ADD2: variants seen among roughly 807,000 people sequenced by gnomAD.
ADD2 encodes the protein beta-adducin.
ADD2 carries 23 observed loss-of-function variants against 83.0 expected under a neutral mutation model. The ratio of observed to expected loss-of-function variants is 0.28; its 90% CI spans 0.20 to 0.39. ADD2 has a LOEUF of 0.39. ADD2 is among the 10% of genes least tolerant of loss of function. ADD2 has a pLI of 1.00. For synonymous variants in ADD2, 375 were observed against 375.4 expected (o/e 1.00, Z 0.01); for missense variants, 758 against 944.9 (o/e 0.80, Z 2.59).
chr2:70,665,656 C>T (rs563349176), intron 15 of ADD2, among the ~76,000 whole-genome samples: 39 of 152,300 alleles, frequency 2.6e-4, no homozygotes, highest in Admixed American at 5.9e-4. Context: ...GTGTCCCCAG[C>T]CTTCACTCCA....
rs566779555 is a variant in ADD2 at position 70,662,762 on chromosome 2, A to G, written c.*663T>C. The stretch of plus-strand genomic sequence containing the variant: ...TCCTCAGCTTACATGGCTTGCCCCT[A>G]TGCCTACCACCTCTTATAGCTCTTC... On this transcript the variant is annotated 3_prime_UTR_variant, in exon 16 of 16. Transcript: ENST00000264436. 6.6e-6 allele frequency: 1 copy of G among 152,462 alleles called. No homozygotes were observed. The highest frequency in any genetic ancestry group is 6.5e-5 in the Admixed American group (1 of 15,306). The allele number at this position is 152,462 out of a possible 1,614,324, so 9.4% of individuals were successfully genotyped here. A position where few individuals can be genotyped will look rare whatever the true frequency, so the allele number is the denominator to read the frequency against.
intron 1 of ADD2, among the ~76,000 whole-genome samples, chr2:70,731,788 C>G (rs1032313194): frequency 1.3e-5 from 2 of 152,212 alleles, no homozygotes; most frequent in African/African-American, 4.8e-5. Context: ...TGCTGTTCCC[C>G]AGGGACACTG....
At position 70,706,170 on chromosome 2, in the gene ADD2, G is replaced by T. The variant is rs1671875224; in HGVS notation, c.183+56C>A. 1 of 1,579,502 alleles carries T rather than the reference G, an allele frequency of 6.3e-7. No homozygotes were observed. The highest frequency in any genetic ancestry group is 2.2e-5 in the East Asian group (1 of 44,470). On this transcript the variant is annotated intron_variant, in intron 3 of 15. Transcript: ENST00000264436. The surrounding 1 kb of genome is among the most constrained non-coding windows in gnomAD (Gnocchi z 5.0). ...TTACTCATCTTTCGGGTGGGTACAC[G>T]TCCTGAAGAGCCAGCGCCCCCTGCG...
intron 8 of ADD2, 78 bp from the exon 9 acceptor site, chr2:70,688,200 T>C: frequency 4.2e-6 from 5 of 1,191,232 alleles, no homozygotes; most frequent in Non-Finnish European, 6.1e-6. Context: ...TCCATTTTAT[T>C]TAGATCAACT....
rs1675468136 is a variant in ADD2, at chr2:70,659,473, A to C, written c.*3952T>G. 6.6e-6 allele frequency: 1 copy of C among 152,224 alleles called. No homozygotes were observed. The highest frequency in any genetic ancestry group is 2.1e-4 in the South Asian group (1 of 4,834). 9.4% of individuals were successfully genotyped at this position (152,224 alleles called of 1,614,324 possible). ...TGGGATTCAAATTCAGTCTACATGG[A>C]TCAGTGGCAGAGGGCAGTGCTTTAC... On this transcript the variant is annotated 3_prime_UTR_variant, in exon 16 of 16. Transcript: ENST00000264436.
rs34333514 is a variant in ADD2, at chr2:70,726,186, C to CAAAAAAAAAA, written c.-153-13012_-153-13003dup. Among the ~76,000 whole-genome samples the CAAAAAAAAAA allele has an allele frequency of 6.8e-4, 31 of 45,476 alleles. 2 individuals carry two copies. Among genetic ancestry groups the CAAAAAAAAAA allele is most frequent in the Non-Finnish European group, 1.1e-3 (26 of 23,624 alleles). The allele number at this position is 45,476 out of a possible 152,430, so 29.8% of individuals were successfully genotyped here. On this transcript the variant is annotated intron_variant, in intron 1 of 15. Coordinates refer to ENST00000264436, the MANE Select transcript of ADD2 (RefSeq NM_001617.4). Reference sequence around the variant, plus strand: ...TGGGCGACAGAGCGAGACTCCATCTCAAAAAAAAAAAAAAAAAAAAAAAAA... The same window carrying CAAAAAAAAAA: ...TGGGCGACAGAGCGAGACTCCATCTCAAAAAAAAAAAAAAAAAAAAAAAAAAAAAAAAAAA...
chr2:70,666,853 T>C (rs1327560144), intron 15 of ADD2, among the ~76,000 whole-genome samples: 1 of 152,154 alleles, frequency 6.6e-6, no homozygotes, highest in Non-Finnish European at 1.5e-5. Context: ...AGGTTCCACA[T>C]CATGAATTGT....
At chr2:70,764,177 C>T (rs1440566497) in intron 1 of ADD2, among the ~76,000 whole-genome samples, 3 of 151,732 alleles carry the variant, frequency 2.0e-5, no homozygotes, top group African/African-American at 2.4e-5. Flanking sequence ...CGTGAGCCAC[C>T]GCGCCCGGCC....
chr2:70,710,344 C>G (rs1448371607), intron 2 of ADD2, among the ~76,000 whole-genome samples: 3 of 152,238 alleles, frequency 2.0e-5, no homozygotes, highest in African/African-American at 7.2e-5. Flanking sequence ...TCCCCAGTAA[C>G]TGATCTGTGA....
intron 1 of ADD2, among the ~76,000 whole-genome samples, chr2:70,759,638 T>G (rs1674981044): frequency 6.6e-6 from 1 of 152,024 alleles, no homozygotes; most frequent in African/African-American, 2.4e-5. Flanking sequence ...TCTCCTCCCC[T>G]CTCTCTTGCT....
At chr2:70,722,602 G>A (rs115329619) in intron 1 of ADD2, among the ~76,000 whole-genome samples, 1 of 152,322 alleles carries the variant, frequency 6.6e-6, no homozygotes, top group Non-Finnish European at 1.5e-5. Flanking sequence ...AGATTTGTTG[G>A]CTGTCAATCC....
At position 70,686,153 on chromosome 2, in the gene ADD2, C is replaced by T. The variant is rs137998751; in HGVS notation, c.948+1871G>A. Among the ~76,000 whole-genome samples, 737 of 152,322 alleles carry T rather than the reference C, an allele frequency of 4.8e-3. 8 individuals carry two copies. The highest frequency in any genetic ancestry group is 0.017 in the African/African-American group (705 of 41,558). On this transcript the variant is annotated intron_variant, in intron 9 of 15. Transcript: ENST00000264436. ...GACCTGGCTAGGGCTGCGCTCCCAG[C>T]GGCACCTGCAGTCACTGTTACCTAG...
chr2:70,703,408 G>C (rs1220262911), intron 4 of ADD2, among the ~76,000 whole-genome samples: 1 of 152,174 alleles, frequency 6.6e-6, no homozygotes, highest in Admixed American at 6.5e-5. Flanking sequence ...GACCAGGGTA[G>C]AGGAAATGGG....
intron 10 of ADD2, among the ~76,000 whole-genome samples, chr2:70,681,303 T>A (rs1375306726): frequency 1.3e-5 from 2 of 152,154 alleles, no homozygotes; most frequent in African/African-American, 4.8e-5. Context: ...TCTATGATTG[T>A]ATCCCCAACC....
intron 4 of ADD2, among the ~76,000 whole-genome samples, chr2:70,703,644 G>T (rs2104375232): frequency 6.6e-6 from 1 of 152,112 alleles, no homozygotes; most frequent in East Asian, 1.9e-4. Context: ...TAACCTAAAA[G>T]TCCAACAATG....
rs1249212487 is a variant in ADD2, at chr2:70,727,058, C to T, written c.-153-13874G>A. Among the ~76,000 whole-genome samples, 44 of 152,170 alleles carry T rather than the reference C, an allele frequency of 2.9e-4. 1 individual carries two copies. Among genetic ancestry groups the T allele is most frequent in the Admixed American group, 2.9e-3 (44 of 15,272 alleles). On this transcript the variant is annotated intron_variant, in intron 1 of 15. Transcript: ENST00000264436. Reference sequence around the variant, plus strand: ...TTTTATACCATGTTCAGGCTTTGATCGATCAGTAGTGGCTACCTAGAAGGG... The same window carrying T: ...TTTTATACCATGTTCAGGCTTTGATTGATCAGTAGTGGCTACCTAGAAGGG...
chr2:70,707,090 T>C (rs1423168995), intron 2 of ADD2, among the ~76,000 whole-genome samples: 1 of 152,242 alleles, frequency 6.6e-6, no homozygotes, highest in Admixed American at 6.5e-5. Context: ...CAGGAACTAC[T>C]GAAACGTGGG....
chr2:70,729,236 A>G (rs1553378874), intron 1 of ADD2, among the ~76,000 whole-genome samples: 1 of 152,144 alleles, frequency 6.6e-6, no homozygotes, highest in African/African-American at 2.4e-5. Flanking sequence ...CCAGAGGCCC[A>G]CCATGCACCA....
intron 1 of ADD2, chr2:70,760,478 A>G (rs1480336972): frequency 6.6e-6 from 1 of 152,254 alleles, no homozygotes; most frequent in South Asian, 2.1e-4. Context: ...AGATGTTATA[A>G]CAATGAATAA....
Sources: allele counts gnomAD v4.1 joint callset (sites outside exome capture counted in the v4.1 genomes callset), GRCh38; gene constraint gnomAD v4.1.1; non-coding constraint Gnocchi (gnomAD v3.1); transcripts MANE v1.5; gene names NCBI Gene and HGNC (gene_info 2026-07-23, HGNC 2026-07-21).